Variants in DERA observed in about 807,000 individuals in gnomAD.
DERA encodes the protein 2-deoxy-D-ribose 5-phosphate aldolase.
DERA carries 15 observed loss-of-function variants against 41.1 expected under a neutral mutation model. The ratio of observed to expected loss-of-function variants is 0.37; its 90% CI spans 0.24 to 0.56. DERA has a LOEUF of 0.56. Ranked by LOEUF, DERA falls within the 20% of genes least tolerant of loss-of-function variation. The probability of loss-of-function intolerance (pLI) is 0.81; values close to 1 mark genes in which losing one functional copy is unlikely to be tolerated. For missense variants in DERA, 396 were observed against 403.4 expected (o/e 0.98, Z 0.16); for synonymous variants, 139 against 137.4 (o/e 1.01, Z -0.08).
Position 16,008,881 on chromosome 12 carries a change from G to A in DERA, c.638-23661G>A, listed in dbSNP as rs139930419. Among the ~76,000 whole-genome samples, 5 of 152,310 alleles carry A rather than the reference G, an allele frequency of 3.3e-5. No homozygotes were observed. The highest frequency in any genetic ancestry group is 1.9e-4 in the East Asian group (1 of 5,178). On this transcript the variant is annotated intron_variant, in intron 6 of 8. Coordinates refer to ENST00000428559, the MANE Select transcript of DERA (RefSeq NM_015954.4). The surrounding 1 kb of genome is among the most constrained non-coding windows in gnomAD (Gnocchi z 4.8). Reference sequence around the variant, plus strand: ...GGATTTTGACTGGGAAAGAAAGGACGTAGAGAACTACAAACTTGATAAGGT... The same window carrying A: ...GGATTTTGACTGGGAAAGAAAGGACATAGAGAACTACAAACTTGATAAGGT...
chr12:15,964,853 C>T (rs1948612182), intron 5 of DERA, among the ~76,000 whole-genome samples: 1 of 152,114 alleles, frequency 6.6e-6, no homozygotes, highest in African/African-American at 2.4e-5. Context: ...GCTGACTGCC[C>T]CTTAATGAAC....
chr12:15,997,261 A>C (rs1214877228), intron 6 of DERA, among the ~76,000 whole-genome samples: 1 of 152,184 alleles, frequency 6.6e-6, no homozygotes, highest in African/African-American at 2.4e-5. Context: ...GGAGCAGGCA[A>C]TTCTCTTGTG....
chr12:15,962,436 G>A (rs1390063716), intron 4 of DERA, among the ~76,000 whole-genome samples: 1 of 152,330 alleles, frequency 6.6e-6, no homozygotes, highest in East Asian at 1.9e-4. Context: ...CCCAGAACTA[G>A]TGTGCTAGAT....
rs139919162 is a variant in DERA, at chr12:16,022,662, A to G, written c.638-9880A>G. Among the ~76,000 whole-genome samples, 411 of 152,328 alleles carry G rather than the reference A, an allele frequency of 2.7e-3. 2 individuals carry two copies. The highest frequency in any genetic ancestry group is 9.5e-3 in the African/African-American group (396 of 41,572). On this transcript the variant is annotated intron_variant, in intron 6 of 8. Coordinates refer to ENST00000428559, the MANE Select transcript of DERA (RefSeq NM_015954.4). Reference sequence around the variant, plus strand: ...AAAATGAGTGACTTTTCTCAGACCCATCAAAGACCTGAGGTCGCAAGGTAA... The same window carrying G: ...AAAATGAGTGACTTTTCTCAGACCCGTCAAAGACCTGAGGTCGCAAGGTAA...
Position 15,981,821 on chromosome 12 carries a change from T to G in DERA, c.509-487T>G, listed in dbSNP as rs1187274639. On this transcript the variant is annotated intron_variant, in intron 5 of 8. Coordinates refer to ENST00000428559, the MANE Select transcript of DERA (RefSeq NM_015954.4). This position sits in a 1 kb window ranked among gnomAD's most constrained non-coding sequence, Gnocchi z 6.1. ...TACTCTGGCAGGCAGTGGGGCAAGCTGCTGTGTCTTTATTGTCATGAACAT... is the reference window on the plus strand; with the variant it reads ...TACTCTGGCAGGCAGTGGGGCAAGCGGCTGTGTCTTTATTGTCATGAACAT... 6.6e-6 allele frequency among the ~76,000 whole-genome samples: 1 copy of G among 152,190 alleles called. No individual in the cohort carries two copies. Among genetic ancestry groups the G allele is most frequent in the African/African-American group, 2.4e-5 (1 of 41,436 alleles).
intron 5 of DERA, among the ~76,000 whole-genome samples, chr12:15,971,672 A>G (rs947125900): frequency 3.3e-5 from 5 of 152,044 alleles, no homozygotes; most frequent in Admixed American, 6.6e-5. Context: ...GTCCACCACC[A>G]TGCCCAGCTA....
In DERA at chr12:15,967,507, A is replaced by T. The variant is rs1592024524; in HGVS notation, c.508+4560A>T. ...AACAATTTTTATTAAATACAATTTAATTTTTTCTTGATTATTCCAAACTGT... is the reference window on the plus strand; with the variant it reads ...AACAATTTTTATTAAATACAATTTATTTTTTTCTTGATTATTCCAAACTGT... On this transcript the variant is annotated intron_variant, in intron 5 of 8. Coordinates refer to ENST00000428559, the MANE Select transcript of DERA (RefSeq NM_015954.4). This position sits in a 1 kb window ranked among gnomAD's most constrained non-coding sequence, Gnocchi z 4.9. Among the ~76,000 whole-genome samples the T allele has an allele frequency of 2.6e-5, 4 of 152,222 alleles. 1 individual carries two copies. Among genetic ancestry groups the T allele is most frequent in the Admixed American group, 2.6e-4 (4 of 15,288 alleles).
In DERA at chr12:15,941,196, G is replaced by A. The variant is rs57761110; in HGVS notation, c.32-15740G>A. Among the ~76,000 whole-genome samples the A allele has an allele frequency of 0.019, 2,836 of 152,262 alleles. 99 individuals carry two copies. The highest frequency in any genetic ancestry group is 0.063 in the African/African-American group (2,631 of 41,520). On this transcript the variant is annotated intron_variant, in intron 1 of 8. Transcript: ENST00000428559. The surrounding 1 kb of genome is among the most constrained non-coding windows in gnomAD (Gnocchi z 4.5). ...ATATTTCATGTTCACCTAATCTACA[G>A]TAGCGGCTCATTGACCTACTGACTG...
At position 15,986,079 on chromosome 12, in the gene DERA, C is replaced by T. The variant is rs928105590; in HGVS notation, c.637+3643C>T. On this transcript the variant is annotated intron_variant, in intron 6 of 8. Coordinates refer to ENST00000428559, the MANE Select transcript of DERA (RefSeq NM_015954.4). ...GTTATGTTTACCTGTTGAAGTAGCACATTTGTCATTATGAAACGTCCCTTT... is the reference window on the plus strand; with the variant it reads ...GTTATGTTTACCTGTTGAAGTAGCATATTTGTCATTATGAAACGTCCCTTT... Among the ~76,000 whole-genome samples, 35 of 152,238 alleles carry T rather than the reference C, an allele frequency of 2.3e-4. No individual in the cohort carries two copies. In the East Asian group the frequency reaches 6.7e-3, roughly 29 times the overall value.
At chr12:15,958,481 T>G (rs991345796) in intron 3 of DERA, 146 bp downstream of exon 3, 5 of 497,250 alleles carry the variant, frequency 1.0e-5, no homozygotes, top group Middle Eastern at 5.7e-4. Flanking sequence ...AGACAGATTC[T>G]TCTCTGAAAA....
intron 1 of DERA, among the ~76,000 whole-genome samples, chr12:15,929,612 A>G (rs1281452178): frequency 3.3e-5 from 5 of 152,096 alleles, no homozygotes. Flanking sequence ...TGCATGTTTA[A>G]ATATATATTT....
In DERA at chr12:15,988,760, C is replaced by T. The variant is rs1341482326; in HGVS notation, c.637+6324C>T. Among the ~76,000 whole-genome samples the T allele has an allele frequency of 6.6e-6, 1 of 152,168 alleles. No individual in the cohort carries two copies. The highest frequency in any genetic ancestry group is 2.4e-5 in the African/African-American group (1 of 41,452). On this transcript the variant is annotated intron_variant, in intron 6 of 8. Coordinates refer to ENST00000428559, the MANE Select transcript of DERA (RefSeq NM_015954.4). This position sits in a 1 kb window ranked among gnomAD's most constrained non-coding sequence, Gnocchi z 6.0. ...CATCCCTTCCTGCCTAGGAACCTGT[C>T]TGCCTCCCACCACCATCATCATGTT...
rs1021387815 is a variant in DERA, at chr12:15,911,687, C to G, written c.31+273C>G. On this transcript the variant is annotated intron_variant, in intron 1 of 8. Transcript: ENST00000428559. The surrounding 1 kb of genome is among the most constrained non-coding windows in gnomAD (Gnocchi z 4.5). Reference sequence around the variant, plus strand: ...TTATCTTCCTGCCTTTTCGTTCACTCTAGCTCGCTGGTTGGAAAACCCAAC... The same window carrying G: ...TTATCTTCCTGCCTTTTCGTTCACTGTAGCTCGCTGGTTGGAAAACCCAAC... 2 of 675,292 alleles carry G rather than the reference C, an allele frequency of 3.0e-6. No homozygotes were observed. Among genetic ancestry groups the G allele is most frequent in the African/African-American group, 1.8e-5 (1 of 56,490 alleles). The allele number at this position is 675,292 out of a possible 1,614,324, so 41.8% of individuals were successfully genotyped here. A position where few individuals can be genotyped will look rare whatever the true frequency, so the allele number is the denominator to read the frequency against.
chr12:16,016,626 C>A (rs1243775808), intron 6 of DERA, among the ~76,000 whole-genome samples: 2 of 150,892 alleles, frequency 1.3e-5, no homozygotes, highest in East Asian at 3.9e-4. Flanking sequence ...ATGGTAAAAC[C>A]CCATCTCTAC....
intron 1 of DERA, among the ~76,000 whole-genome samples, chr12:15,929,957 A>T (rs1437423119): frequency 6.6e-6 from 1 of 152,178 alleles, no homozygotes; most frequent in Non-Finnish European, 1.5e-5. Context: ...TTTCAGTGAG[A>T]CTGACGGGCA....
In DERA at chr12:15,998,500, A is replaced by G. The variant is rs1208113989; in HGVS notation, c.637+16064A>G. ...GCCCGGCTAATTTTCTATTTTTAGT[A>G]GAGATGGGGTTTCTTCATATTGGCC... On this transcript the variant is annotated intron_variant, in intron 6 of 8. Coordinates refer to ENST00000428559, the MANE Select transcript of DERA (RefSeq NM_015954.4). The surrounding 1 kb of genome is among the most constrained non-coding windows in gnomAD (Gnocchi z 4.8). Among the ~76,000 whole-genome samples the G allele has an allele frequency of 6.6e-6, 1 of 152,062 alleles. No homozygotes were observed. The highest frequency in any genetic ancestry group is 1.9e-4 in the East Asian group (1 of 5,182).
At position 15,976,446 on chromosome 12, in the gene DERA, G is replaced by A. The variant is rs572871750; in HGVS notation, c.509-5862G>A. Among the ~76,000 whole-genome samples, 5 of 152,084 alleles carry A rather than the reference G, an allele frequency of 3.3e-5. No individual in the cohort carries two copies. Among genetic ancestry groups the A allele is most frequent in the Non-Finnish European group, 7.3e-5 (5 of 68,030 alleles). On this transcript the variant is annotated intron_variant, in intron 5 of 8. Coordinates refer to ENST00000428559, the MANE Select transcript of DERA (RefSeq NM_015954.4). This position sits in a 1 kb window ranked among gnomAD's most constrained non-coding sequence, Gnocchi z 4.1. Reference sequence around the variant, plus strand: ...TCATGTTGCCATGATGTAGCAACATGCAGGCCAAGAATTTCTCTAGGCCCC... The same window carrying A: ...TCATGTTGCCATGATGTAGCAACATACAGGCCAAGAATTTCTCTAGGCCCC...
Position 16,015,934 on chromosome 12 carries a change from T to A in DERA, c.638-16608T>A, listed in dbSNP as rs191796162. On this transcript the variant is annotated intron_variant, in intron 6 of 8. Coordinates refer to ENST00000428559, the MANE Select transcript of DERA (RefSeq NM_015954.4). ...TGAACTCACTTGCTGTGTTCCTTTT[T>A]TTAAATTGAGATATAATTTATGTAC... Among the ~76,000 whole-genome samples, 635 of 152,360 alleles carry A rather than the reference T, an allele frequency of 4.2e-3. 6 individuals are homozygous for A. The highest frequency in any genetic ancestry group is 7.2e-3 in the Non-Finnish European group (488 of 68,034).
rs201619379 is a variant in DERA, at chr12:15,922,389, TC to T, written c.31+10977del. On this transcript the variant is annotated intron_variant, in intron 1 of 8. Transcript: ENST00000428559. The surrounding 1 kb of genome is among the most constrained non-coding windows in gnomAD (Gnocchi z 4.9). ...ATGGATTTTTATTAGTGAAAACATTTCCATAGATCTGTCTCCAGCAAGAAAA... is the reference window on the plus strand; with the variant it reads ...ATGGATTTTTATTAGTGAAAACATTTCATAGATCTGTCTCCAGCAAGAAAA... Among the ~76,000 whole-genome samples, 1,403 of 152,276 alleles carry T rather than the reference TC, an allele frequency of 9.2e-3. 14 individuals carry two copies. Among genetic ancestry groups the T allele is most frequent in the Admixed American group, 0.017 (261 of 15,298 alleles).
Sources: allele counts gnomAD v4.1 joint callset (sites outside exome capture counted in the v4.1 genomes callset), GRCh38; gene constraint gnomAD v4.1.1; non-coding constraint Gnocchi (gnomAD v3.1); transcripts MANE v1.5; gene names NCBI Gene and HGNC (gene_info 2026-07-23, HGNC 2026-07-21).